CELF2: variants seen among roughly 807,000 people sequenced by gnomAD.
CELF2 encodes the protein CUG triplet repeat RNA-binding protein 2.
CELF2 carries 8 observed loss-of-function variants against 62.6 expected under a neutral mutation model. The observed-to-expected ratio is 0.13, with a 90% CI of 0.07 to 0.23. The LOEUF is 0.23. Ranked by LOEUF, CELF2 falls within the 10% of genes least tolerant of loss-of-function variation. CELF2 has a pLI of 1.00. For missense variants in CELF2, 333 were observed against 671.0 expected, an observed-to-expected ratio of 0.50 and a Z score of 5.56; for synonymous variants, 258 against 250.0, an observed-to-expected ratio of 1.03 and a Z score of -0.30.
chr10:10,653,219 A>G, the CELF2 span, among the ~76,000 whole-genome samples: 2 of 152,174 alleles, frequency 1.3e-5, no homozygotes, highest in Admixed American at 6.5e-5. Context: ...TCATAAAGCA[A>G]GTCCTGAGTG....
chr10:10,939,319 G>A (rs972424488), intron 2 of CELF2, among the ~76,000 whole-genome samples: 21 of 142,556 alleles, frequency 1.5e-4, no homozygotes, highest in African/African-American at 4.9e-4. Context: ...ACGGAGTCTC[G>A]CCTGTCACCC....
At chr10:10,979,672 CAAAA>C (rs35482385) in intron 2 of CELF2, among the ~76,000 whole-genome samples, 29 of 68,960 alleles carry the variant, frequency 4.2e-4, no homozygotes, top group African/African-American at 1.1e-3. Context: ...CCTTGTCTCT[CAAAA>C]AAAAAAAAAA....
At chr10:10,697,486 C>G in the CELF2 span, among the ~76,000 whole-genome samples, 2 of 152,128 alleles carry the variant, frequency 1.3e-5, no homozygotes, top group African/African-American at 4.8e-5. Flanking sequence ...TCTGTTCGGG[C>G]TGCTCTAACA....
chr10:11,322,195 T>A (rs1454268640), intron 11 of CELF2, among the ~76,000 whole-genome samples: 1 of 152,084 alleles, frequency 6.6e-6, no homozygotes, highest in Non-Finnish European at 1.5e-5. Flanking sequence ...ATCCTATGAG[T>A]GTGTGGCCGG....
chr10:10,820,608 G>A (rs2056874751), intron 1 of CELF2, among the ~76,000 whole-genome samples: 1 of 152,128 alleles, frequency 6.6e-6, no homozygotes, highest in Non-Finnish European at 1.5e-5. Context: ...CTGCACTAAG[G>A]GGTGGACAGA....
intron 1 of CELF2, among the ~76,000 whole-genome samples, chr10:10,829,951 G>A (rs1282970565): frequency 6.6e-6 from 1 of 152,064 alleles, no homozygotes; most frequent in Non-Finnish European, 1.5e-5. Flanking sequence ...CAAAATCCAG[G>A]CAGTAGCAAC....
upstream of CELF2, among the ~76,000 whole-genome samples, chr10:11,013,466 A>T (rs998373651): frequency 6.6e-6 from 1 of 152,136 alleles, no homozygotes; most frequent in Non-Finnish European, 1.5e-5. The surrounding 1 kb of genome is among the most constrained non-coding windows in gnomAD (Gnocchi z 4.1). Flanking sequence ...GCGAGTGAGA[A>T]GGTATGTATC....
chr10:10,998,801 T>C (rs964701124), intron 2 of CELF2, among the ~76,000 whole-genome samples: 1 of 152,162 alleles, frequency 6.6e-6, no homozygotes, highest in Admixed American at 6.6e-5. Flanking sequence ...TCCTGGCCTA[T>C]AGGACACTTG....
chr10:10,820,003 G>A (rs1376437220), intron 1 of CELF2, among the ~76,000 whole-genome samples: 1 of 152,074 alleles, frequency 6.6e-6, no homozygotes, highest in African/African-American at 2.4e-5. Flanking sequence ...CCAGGGGGAG[G>A]TAAATGAATC....
chr10:11,156,052 C>T lies in CELF2; in HGVS notation c.75-9434C>T, dbSNP rs75958169. Reference sequence around the variant, plus strand: ...GCCGGGCAAGCACAAAGGTCAGTGACGCCTTTGTCCTTTAGTCCAAATTAG... The same window carrying T: ...GCCGGGCAAGCACAAAGGTCAGTGATGCCTTTGTCCTTTAGTCCAAATTAG... On this transcript the variant is annotated intron_variant, in intron 1 of 12. Transcript: ENST00000633077. This position sits in a 1 kb window ranked among gnomAD's most constrained non-coding sequence, Gnocchi z 4.3. 3.5e-3 allele frequency among the ~76,000 whole-genome samples: 534 copies of T among 152,268 alleles called. 5 individuals carry two copies. The highest frequency in any genetic ancestry group is 0.012 in the African/African-American group (511 of 41,540).
chr10:10,869,354 G>A (rs1176724150), intron 1 of CELF2, among the ~76,000 whole-genome samples: 1 of 152,108 alleles, frequency 6.6e-6, no homozygotes, highest in African/African-American at 2.4e-5. Flanking sequence ...ACAAGGTCAG[G>A]AGTTTGAGAC....
intron 1 of CELF2, among the ~76,000 whole-genome samples, chr10:11,022,599 A>G (rs1242190497): frequency 6.6e-6 from 1 of 152,074 alleles, no homozygotes; most frequent in African/African-American, 2.4e-5. Flanking sequence ...AAAGACTGCA[A>G]TATCCTTAGC....
upstream of CELF2, chr10:11,005,290 G>GAGAC (rs1168888595): frequency 6.3e-7 from 1 of 1,585,224 alleles, no homozygotes; most frequent in Non-Finnish European, 8.6e-7. The surrounding 1 kb of genome is among the most constrained non-coding windows in gnomAD (Gnocchi z 4.3). Flanking sequence ...GAGAGAGAGA[G>GAGAC]AGAGGGAGGA....
intron 1 of CELF2, among the ~76,000 whole-genome samples, chr10:11,152,404 G>A (rs891906520): frequency 5.3e-5 from 8 of 151,586 alleles, no homozygotes; most frequent in Non-Finnish European, 1.0e-4. Context: ...TCAGGAAACA[G>A]TTGTTAAATA....
chr10:11,286,087 G>A (rs1168569677), intron 8 of CELF2, among the ~76,000 whole-genome samples: 1 of 152,210 alleles, frequency 6.6e-6, no homozygotes, highest in African/African-American at 2.4e-5. Context: ...TTAGGAGGAG[G>A]CTATGGGATG....
the CELF2 span, among the ~76,000 whole-genome samples, chr10:10,736,074 G>C: frequency 6.6e-6 from 1 of 152,224 alleles, no homozygotes; most frequent in African/African-American, 2.4e-5. Flanking sequence ...AGATTTTATT[G>C]AGTACCCAGT....
Position 10,970,137 on chromosome 10 carries a change from C to T in CELF2, c.89+50138C>T, listed in dbSNP as rs572937426. ...AGGCTGGAGTGCAGTGGCGCAATTTCGGCTCACTGCAGCCTCCTTCTTGCA... is the reference window on the plus strand; with the variant it reads ...AGGCTGGAGTGCAGTGGCGCAATTTTGGCTCACTGCAGCCTCCTTCTTGCA... On this transcript the variant is annotated intron_variant, in intron 2 of 13. Coordinates refer to the CELF2 transcript ENST00000636488. 2.1e-3 allele frequency among the ~76,000 whole-genome samples: 319 copies of T among 152,248 alleles called. 2 individuals carry two copies. The highest frequency in any genetic ancestry group is 3.8e-3 in the Non-Finnish European group (257 of 68,008).
the CELF2 span, among the ~76,000 whole-genome samples, chr10:10,508,633 C>T: frequency 6.6e-6 from 1 of 150,424 alleles, no homozygotes; most frequent in Non-Finnish European, 1.5e-5. Context: ...ATTTTCAATA[C>T]TTCCCTCACC....
the CELF2 span, among the ~76,000 whole-genome samples, chr10:10,591,940 C>T: frequency 6.6e-6 from 1 of 151,968 alleles, no homozygotes; most frequent in East Asian, 1.9e-4. Flanking sequence ...CACATATCCT[C>T]TTGTAATTGG....
Sources: gnomAD v4.1 joint callset for allele counts (sites outside exome capture counted in the v4.1 genomes callset) on GRCh38, gnomAD v4.1.1 for gene constraint, Gnocchi (gnomAD v3.1) non-coding constraint, MANE v1.5 for transcripts, NCBI Gene and HGNC (gene_info 2026-07-23, HGNC 2026-07-21) for gene names.